ANK2: variants seen among roughly 807,000 people sequenced by gnomAD.
The protein encoded by ANK2 is ankyrin-2.
ANK2 carries 83 observed loss-of-function variants against 360.5 expected under a neutral mutation model. The observed-to-expected ratio is 0.23, with a 90% CI of 0.19 to 0.28. The LOEUF (loss-of-function observed/expected upper bound fraction) is 0.28. Ranked by LOEUF, ANK2 falls within the 10% of genes least tolerant of loss-of-function variation. ANK2 has a pLI of 1.00. For missense variants in ANK2, 4,201 were observed against 4,795.7 expected, an observed-to-expected ratio of 0.88 and a Z score of 3.66; for synonymous variants, 1,740 against 1,759.5, an observed-to-expected ratio of 0.99 and a Z score of 0.28.
intron 9 of ANK2, among the ~76,000 whole-genome samples, chr4:113,246,293 T>C (rs2042840547): frequency 6.6e-6 from 1 of 152,180 alleles, no homozygotes; most frequent in Non-Finnish European, 1.5e-5. Flanking sequence ...CTAGAGAGGC[T>C]TTCAGATAAT....
At chr4:112,869,673 GATT>G (rs2072132169) in intron 1 of ANK2, among the ~76,000 whole-genome samples, 1 of 151,628 alleles carries the variant, frequency 6.6e-6, no homozygotes, top group South Asian at 2.1e-4. Flanking sequence ...TTGTGCTTAT[GATT>G]ATTATGATTA....
At chr4:113,089,552 C>T (rs1254839135) in intron 1 of ANK2, among the ~76,000 whole-genome samples, 3 of 152,154 alleles carry the variant, frequency 2.0e-5, no homozygotes, top group Non-Finnish European at 4.4e-5. Context: ...GAAGGCCAGG[C>T]ATGGTGGCTC....
the ANK2 span, chr4:112,788,749 C>T: frequency 6.4e-7 from 1 of 1,568,074 alleles, no homozygotes; most frequent in Non-Finnish European, 8.7e-7. Context: ...GGCTGGATGT[C>T]CTGTCCAATG....
At chr4:113,360,308 A>C (rs934892970) in intron 38 of ANK2, among the ~76,000 whole-genome samples, 7 of 152,200 alleles carry the variant, frequency 4.6e-5, no homozygotes, top group Admixed American at 4.6e-4. Context: ...ACCAGGACCA[A>C]ATGTTGTTTC....
intron 2 of ANK2, among the ~76,000 whole-genome samples, chr4:112,987,669 T>C (rs2045395743): frequency 6.6e-6 from 1 of 152,062 alleles, no homozygotes; most frequent in Admixed American, 6.5e-5. Context: ...TTCAGGAGTA[T>C]TTTTTCCCTG....
At chr4:113,052,764 T>C (rs1356310268) in intron 1 of ANK2, among the ~76,000 whole-genome samples, 1 of 152,108 alleles carries the variant, frequency 6.6e-6, no homozygotes, top group Non-Finnish European at 1.5e-5. Flanking sequence ...AGGATACACA[T>C]CATGGGGAAC....
At chr4:112,723,906 CTG>C in the ANK2 span, among the ~76,000 whole-genome samples, 3 of 152,128 alleles carry the variant, frequency 2.0e-5, no homozygotes, top group Non-Finnish European at 4.4e-5. Flanking sequence ...TAAAATTATA[CTG>C]TGTTTACATT....
At chr4:112,857,458 A>G (rs551588897) in intron 1 of ANK2, among the ~76,000 whole-genome samples, 7 of 152,318 alleles carry the variant, frequency 4.6e-5, no homozygotes, top group Admixed American at 6.5e-5. Context: ...ACAGGTGTTC[A>G]TGAAGATTTC....
intron 1 of ANK2, among the ~76,000 whole-genome samples, chr4:112,847,049 G>A (rs186166681): frequency 2.6e-5 from 4 of 152,304 alleles, no homozygotes; most frequent in Admixed American, 2.0e-4. Flanking sequence ...TTCAAGAGAG[G>A]CTGGGCAATC....
chr4:113,183,615 G>T (rs1562698816), intron 2 of ANK2, among the ~76,000 whole-genome samples: 1 of 152,154 alleles, frequency 6.6e-6, no homozygotes, highest in Non-Finnish European at 1.5e-5. Flanking sequence ...AGGATTGAAG[G>T]ATTTCTGGAG....
chr4:113,000,681 C>T (rs1306896287), intron 2 of ANK2, among the ~76,000 whole-genome samples: 1 of 152,120 alleles, frequency 6.6e-6, no homozygotes, highest in Non-Finnish European at 1.5e-5. Context: ...GTTGAGTAAA[C>T]AAGGAAAACT....
the ANK2 span, among the ~76,000 whole-genome samples, chr4:112,758,663 C>T: frequency 6.6e-6 from 1 of 152,194 alleles, no homozygotes; most frequent in Non-Finnish European, 1.5e-5. Flanking sequence ...GATCTGCCCA[C>T]CTCAGCCTCC....
intron 39 of ANK2, among the ~76,000 whole-genome samples, chr4:113,361,338 C>T (rs933189993): frequency 1.3e-5 from 2 of 151,974 alleles, no homozygotes; most frequent in Non-Finnish European, 2.9e-5. Context: ...TTAAAACACA[C>T]ATGAATGAGA....
intron 4 of ANK2, among the ~76,000 whole-genome samples, chr4:113,210,598 G>C (rs140109161): frequency 2.6e-4 from 40 of 152,216 alleles, no homozygotes; most frequent in African/African-American, 9.6e-4. Context: ...TTGTGACCTT[G>C]GACAAGTTAT....
chr4:113,228,058 C>T lies in ANK2; in HGVS notation c.385-4103C>T, dbSNP rs1382334767. ...TATTCTGCTGGAAGTTGTAGCACACCAGGGTCATGGTGCAAGGCACACATG... is the reference window on the plus strand; with the variant it reads ...TATTCTGCTGGAAGTTGTAGCACACTAGGGTCATGGTGCAAGGCACACATG... On this transcript the variant is annotated intron_variant, in intron 4 of 45. Transcript: ENST00000357077. Among the ~76,000 whole-genome samples the T allele has an allele frequency of 8.5e-5, 13 of 152,290 alleles. No homozygotes were observed. The East Asian group carries it at 2.5e-3, about 29-fold the overall frequency.
At chr4:113,086,282 TG>T (rs1376219342) in intron 1 of ANK2, among the ~76,000 whole-genome samples, 2 of 152,248 alleles carry the variant, frequency 1.3e-5, no homozygotes, top group African/African-American at 4.8e-5. Flanking sequence ...CCTTGTTTTT[TG>T]TACAATGAAA....
intron 1 of ANK2, among the ~76,000 whole-genome samples, chr4:113,143,199 C>G (rs976400868): frequency 6.7e-5 from 4 of 59,460 alleles, no homozygotes; most frequent in African/African-American, 2.9e-4. Context: ...ATAGTAGTCA[C>G]AACCTTATTC....
intron 28 of ANK2, 48 bp downstream of exon 28, chr4:113,332,118 C>A: frequency 1.4e-6 from 2 of 1,455,276 alleles, no homozygotes; most frequent in Non-Finnish European, 1.9e-6. Context: ...CCCCATTCTT[C>A]TCCTTCTTCT....
chr4:113,146,744 C>CT lies in ANK2; in HGVS notation c.85-27668dup, dbSNP rs146226973. ...ATATTTGCTGGAGAATAAAGTTTAT[C>CT]TTTTATCTGTCAGATCCAGGAATTT... On this transcript the variant is annotated intron_variant, in intron 1 of 45. Transcript: ENST00000357077. Among the ~76,000 whole-genome samples the CT allele has an allele frequency of 7.6e-3, 1,142 of 150,570 alleles. 14 individuals carry two copies. The highest frequency in any genetic ancestry group is 0.025 in the African/African-American group (1,045 of 41,022).
Sources: allele counts gnomAD v4.1 joint callset (sites outside exome capture counted in the v4.1 genomes callset), GRCh38; gene constraint gnomAD v4.1.1; transcripts MANE v1.5; gene names NCBI Gene and HGNC (gene_info 2026-07-23, HGNC 2026-07-21).